The following LPAR3 variants were observed in gnomAD, a reference collection of about 807,000 sequenced individuals.
LPAR3 encodes the protein lysophosphatidic acid receptor 3, also known as LPA receptor 3.
Under a neutral mutation model 17.8 loss-of-function variants are expected in LPAR3, and 7 were observed. That is an observed-to-expected ratio of 0.39 (90% CI 0.22 to 0.74). LPAR3 has a LOEUF of 0.74. Among genes scored for constraint, LPAR3 ranks in the 30% least tolerant of loss-of-function variants. The pLI is 0.40. For missense variants in LPAR3, 391 were observed against 453.4 expected (o/e 0.86, Z 1.25); for synonymous variants, 179 against 179.9 (o/e 0.99, Z 0.04).
intron 1 of LPAR3, among the ~76,000 whole-genome samples, chr1:84,880,111 C>A (rs1347876490): frequency 6.6e-6 from 1 of 152,134 alleles, no homozygotes; most frequent in African/African-American, 2.4e-5. Flanking sequence ...GGGAGGATTG[C>A]CTGAGGTCGG....
chr1:84,839,659 C>T (rs1359372109), intron 2 of LPAR3, among the ~76,000 whole-genome samples: 1 of 150,964 alleles, frequency 6.6e-6, no homozygotes, highest in Non-Finnish European at 1.5e-5. Context: ...GAGCAGGACC[C>T]TGTCTCTAAA....
At chr1:84,853,488 T>G (rs1659760058) in intron 2 of LPAR3, among the ~76,000 whole-genome samples, 1 of 152,222 alleles carries the variant, frequency 6.6e-6, no homozygotes, top group South Asian at 2.1e-4. Context: ...TGACCCTGCC[T>G]CTGAATTTTA....
In LPAR3 at chr1:84,813,872, C is replaced by T. The variant is rs201310823; in HGVS notation, c.1036G>A (p.Ala346Thr). 4.3e-6 allele frequency: 7 copies of T among 1,613,848 alleles called. No homozygotes were observed. Among genetic ancestry groups the T allele is most frequent in the Admixed American group, 1.7e-5 (1 of 60,022 alleles). Residue 346 changes from alanine (A) to threonine (T), a missense_variant, in exon 3 of 3, where the codon GCA becomes ACA. Transcript: ENST00000370611. ...TAGGAAGTGCTTTTATTGCAGACTG[C>T]ACCTTGGCTAATACTATCCTCTATG... The part of the protein sequence containing the change: ...QYIEDSISQG[A>T]VCNKSTS
At chr1:84,824,655 T>C (rs1024409155) in intron 2 of LPAR3, among the ~76,000 whole-genome samples, 12 of 152,186 alleles carry the variant, frequency 7.9e-5, no homozygotes, top group Admixed American at 4.6e-4. Flanking sequence ...TGAGATAATA[T>C]GTGGAAAGTG....
In LPAR3 at chr1:84,850,738, TC is replaced by T. The variant is rs1193785575; in HGVS notation, c.736+14646del. Among the ~76,000 whole-genome samples, 29 of 152,150 alleles carry T rather than the reference TC, an allele frequency of 1.9e-4. No individual in the cohort carries two copies. In the East Asian group the frequency reaches 5.4e-3, roughly 28 times the overall value. On this transcript the variant is annotated intron_variant, in intron 2 of 2. Coordinates refer to ENST00000370611, the MANE Select transcript of LPAR3 (RefSeq NM_012152.3). Reference sequence around the variant, plus strand: ...ACCCAGGCTAACTCTGTACCACAGATCCCCCCGGCTCAGGCCAAGATAACCA... The same window carrying T: ...ACCCAGGCTAACTCTGTACCACAGATCCCCCGGCTCAGGCCAAGATAACCA...
Position 84,813,158 on chromosome 1 carries a change from T to TATATATAGAGAGAGAGAG in LPAR3, c.*687_*688insCTCTCTCTCTCTATATAT, listed in dbSNP as rs1206774677. The TATATATAGAGAGAGAGAG allele has an allele frequency of 1.5e-4, 15 of 101,692 alleles. No homozygotes were observed. In the East Asian group the frequency reaches 1.6e-3, roughly 11 times the overall value. 6.3% of individuals were successfully genotyped at this position (101,692 alleles called of 1,614,324 possible). A position where few individuals can be genotyped will look rare whatever the true frequency, so the allele number is the denominator to read the frequency against. On this transcript the variant is annotated 3_prime_UTR_variant, in exon 3 of 3. Coordinates refer to ENST00000370611, the MANE Select transcript of LPAR3 (RefSeq NM_012152.3). ...ATATATATATATATATATATATATA[T>TATATATAGAGAGAGAGAG]AGACACACACACACACACACACACA...
At chr1:84,875,414 A>G (rs1335844728) in intron 1 of LPAR3, among the ~76,000 whole-genome samples, 2 of 152,216 alleles carry the variant, frequency 1.3e-5, no homozygotes, top group African/African-American at 4.8e-5. Flanking sequence ...GACTTTTAAG[A>G]GGTGGATTAA....
intron 2 of LPAR3, among the ~76,000 whole-genome samples, chr1:84,846,042 C>T (rs1237574793): frequency 2.6e-5 from 4 of 152,130 alleles, no homozygotes; most frequent in Admixed American, 6.5e-5. Context: ...GCTCCAATTC[C>T]CTCAGCTTCA....
intron 2 of LPAR3, among the ~76,000 whole-genome samples, chr1:84,855,881 C>A (rs1474654923): frequency 6.6e-6 from 1 of 152,118 alleles, no homozygotes; most frequent in Admixed American, 6.6e-5. Flanking sequence ...AAGACAGACT[C>A]CTGGAAATGT....
intron 1 of LPAR3, among the ~76,000 whole-genome samples, chr1:84,890,185 G>A (rs76907468): frequency 0.029 from 4,400 of 152,274 alleles, 101 homozygotes; most frequent in Non-Finnish European, 0.047. Flanking sequence ...CATCAAGGCC[G>A]GAAAGGGGGA....
chr1:84,893,155 G>C lies in LPAR3; in HGVS notation c.-158C>G, dbSNP rs190901717. The C allele has an allele frequency of 6.4e-4, 97 of 152,220 alleles. No individual in the cohort carries two copies. Among genetic ancestry groups the C allele is most frequent in the African/African-American group, 2.3e-3 (95 of 41,562 alleles). 9.4% of individuals were successfully genotyped at this position (152,220 alleles called of 1,614,324 possible). On this transcript the variant is annotated 5_prime_UTR_variant, in exon 1 of 3. Coordinates refer to ENST00000370611, the MANE Select transcript of LPAR3 (RefSeq NM_012152.3). ...AGAAGCAGCGGAGGACGCGGCGGGC[G>C]GGCGGAGCGCCTCCTCTCCAGCGAC...
Position 84,845,300 on chromosome 1 carries a change from T to C in LPAR3, c.736+20085A>G, listed in dbSNP as rs75259915. On this transcript the variant is annotated intron_variant, in intron 2 of 2. Coordinates refer to ENST00000370611, the MANE Select transcript of LPAR3 (RefSeq NM_012152.3). Reference sequence around the variant, plus strand: ...TTGTTAGCATTCTACCTGTATTTCATTGACTCATAAGAATACACTCTAGGA... The same window carrying C: ...TTGTTAGCATTCTACCTGTATTTCACTGACTCATAAGAATACACTCTAGGA... Among the ~76,000 whole-genome samples the C allele has an allele frequency of 1.5e-3, 221 of 152,328 alleles. 7 individuals carry two copies. In the East Asian group the frequency reaches 0.041, roughly 28 times the overall value.
chr1:84,856,803 A>C (rs1475626099), intron 2 of LPAR3, among the ~76,000 whole-genome samples: 1 of 152,222 alleles, frequency 6.6e-6, no homozygotes, highest in Non-Finnish European at 1.5e-5. Context: ...GCTGTATCAC[A>C]GGACTCTTGT....
chr1:84,893,140 G>T lies in LPAR3; in HGVS notation c.-143C>A. The stretch of plus-strand genomic sequence containing the variant: ...TCCAGCCGGGCGCGGAGAAGCAGCG[G>T]AGGACGCGGCGGGCGGGCGGAGCGC... On this transcript the variant is annotated 5_prime_UTR_variant, in exon 1 of 3. Coordinates refer to ENST00000370611, the MANE Select transcript of LPAR3 (RefSeq NM_012152.3). The T allele has an allele frequency of 6.6e-6, 1 of 152,230 alleles. No homozygotes were observed. The highest frequency in any genetic ancestry group is 1.5e-5 in the Non-Finnish European group (1 of 68,022). The allele number at this position is 152,230 out of a possible 1,614,324, so 9.4% of individuals were successfully genotyped here.
intron 1 of LPAR3, among the ~76,000 whole-genome samples, chr1:84,890,602 C>T (rs1285522583): frequency 2.6e-5 from 4 of 152,216 alleles, no homozygotes; most frequent in Non-Finnish European, 4.4e-5. Flanking sequence ...TCCATTTATA[C>T]TGCATTAATA....
At chr1:84,819,222 T>C (rs1191178563) in intron 2 of LPAR3, among the ~76,000 whole-genome samples, 1 of 152,170 alleles carries the variant, frequency 6.6e-6, no homozygotes, top group Admixed American at 6.6e-5. Context: ...TTAGTTTTTC[T>C]CTCTTGACAA....
chr1:84,859,208 TG>T (rs762651823), intron 2 of LPAR3, among the ~76,000 whole-genome samples: 82 of 152,336 alleles, frequency 5.4e-4, no homozygotes, highest in Admixed American at 1.6e-3. Flanking sequence ...ATTAGTACTC[TG>T]GCAAGGCTCT....
chr1:84,870,559 A>G (rs1182155090), intron 1 of LPAR3, among the ~76,000 whole-genome samples: 2 of 152,314 alleles, frequency 1.3e-5, no homozygotes, highest in South Asian at 2.1e-4. Context: ...TTTCAGGTAC[A>G]TTACTTAATA....
chr1:84,871,270 G>A (rs1660155094), intron 1 of LPAR3, among the ~76,000 whole-genome samples: 1 of 152,196 alleles, frequency 6.6e-6, no homozygotes. Context: ...AAGTCTATAT[G>A]TGGAATCCAA....
Sources: allele counts gnomAD v4.1 joint callset (sites outside exome capture counted in the v4.1 genomes callset), GRCh38; gene constraint gnomAD v4.1.1; transcripts MANE v1.5; gene names NCBI Gene and HGNC (gene_info 2026-07-23, HGNC 2026-07-21).